MGMT: variants seen among roughly 807,000 people sequenced by gnomAD.
The protein encoded by MGMT is methylated-DNA--protein-cysteine methyltransferase.
In MGMT, 14 loss-of-function variants were observed where a neutral mutation model predicts 15.9. The ratio of observed to expected loss-of-function variants is 0.88; its 90% CI spans 0.58 to 1.37. MGMT has a LOEUF of 1.37. MGMT is among the 40% of genes most tolerant of loss of function. The pLI, the probability that MGMT is intolerant of heterozygous loss-of-function variation, is 0.00. For missense variants in MGMT, 282 were observed against 268.1 expected, an observed-to-expected ratio of 1.05 and a Z score of -0.36; for synonymous variants, 130 against 118.2, an observed-to-expected ratio of 1.10 and a Z score of -0.65.
intron 2 of MGMT, among the ~76,000 whole-genome samples, chr10:129,646,405 C>G (rs1847389112): frequency 6.6e-6 from 1 of 152,030 alleles, no homozygotes; most frequent in Admixed American, 6.6e-5. Flanking sequence ...TACATGGCAC[C>G]TAAGACTCAA....
At chr10:129,552,675 C>T (rs531210749) in intron 2 of MGMT, among the ~76,000 whole-genome samples, 18 of 152,250 alleles carry the variant, frequency 1.2e-4, no homozygotes, top group East Asian at 5.8e-4. Context: ...CTGCCTTGCC[C>T]GAGTTCCTGA....
chr10:129,684,973 C>G (rs1261612345), intron 2 of MGMT, among the ~76,000 whole-genome samples: 2 of 152,180 alleles, frequency 1.3e-5, no homozygotes, highest in Non-Finnish European at 2.9e-5. Flanking sequence ...TGTGATGCTA[C>G]AGTTCTATGA....
chr10:129,568,655 G>A (rs1018959793), intron 2 of MGMT, among the ~76,000 whole-genome samples: 2 of 152,208 alleles, frequency 1.3e-5, no homozygotes, highest in African/African-American at 4.8e-5. Flanking sequence ...AAAGTCTCCA[G>A]TTTCTGAGAC....
chr10:129,726,088 T>A (rs1490271884), intron 3 of MGMT, among the ~76,000 whole-genome samples: 9 of 152,054 alleles, frequency 5.9e-5, no homozygotes, highest in Non-Finnish European at 8.8e-5. Flanking sequence ...CTCAGTGCAA[T>A]GAGGGACCAT....
At chr10:129,765,710 G>A (rs1038258851) in intron 4 of MGMT, among the ~76,000 whole-genome samples, 3 of 152,122 alleles carry the variant, frequency 2.0e-5, no homozygotes, top group South Asian at 2.1e-4. Flanking sequence ...AGGGCGCCCC[G>A]AACCCTGGGG....
Position 129,533,394 on chromosome 10 carries a change from T to C in MGMT, c.-12-2847T>C, listed in dbSNP as rs1845953087. 6.6e-6 allele frequency among the ~76,000 whole-genome samples: 1 copy of C among 152,156 alleles called. No individual in the cohort carries two copies. The highest frequency in any genetic ancestry group is 2.4e-5 in the African/African-American group (1 of 41,440). On this transcript the variant is annotated intron_variant, in intron 1 of 4. Coordinates refer to ENST00000651593, the MANE Select transcript of MGMT (RefSeq NM_002412.5). The surrounding 1 kb of genome is among the most constrained non-coding windows in gnomAD (Gnocchi z 4.5). ...GGATCCCCACCTGAGTCTGGAGCCCTGAGCCCAGGCCTCCTGACTCCGACA... is the reference window on the plus strand; with the variant it reads ...GGATCCCCACCTGAGTCTGGAGCCCCGAGCCCAGGCCTCCTGACTCCGACA...
intron 2 of MGMT, among the ~76,000 whole-genome samples, chr10:129,542,599 C>T (rs376082702): frequency 2.6e-5 from 4 of 152,046 alleles, no homozygotes; most frequent in Non-Finnish European, 4.4e-5. Flanking sequence ...TCCTCAGTGC[C>T]GTGAAATAAT....
intron 2 of MGMT, among the ~76,000 whole-genome samples, chr10:129,636,518 T>C (rs1030362577): frequency 6.6e-6 from 1 of 152,270 alleles, no homozygotes; most frequent in African/African-American, 2.4e-5. Context: ...TCAGTTTTAC[T>C]TTTTATTTCT....
chr10:129,508,110 C>T lies in MGMT; in HGVS notation c.-12-28131C>T, dbSNP rs552358119. Among the ~76,000 whole-genome samples the T allele has an allele frequency of 5.9e-5, 9 of 152,318 alleles. No homozygotes were observed. The South Asian group carries it at 1.9e-3, about 32-fold the overall frequency. On this transcript the variant is annotated intron_variant, in intron 1 of 4. Coordinates refer to ENST00000651593, the MANE Select transcript of MGMT (RefSeq NM_002412.5). ...CCCTAATTCTTAGGGACCTCTGGTA[C>T]AGCCCAGTAGCAGTTCTCAGCCTGT...
chr10:129,508,766 T>C (rs1845651076), intron 1 of MGMT, among the ~76,000 whole-genome samples: 1 of 152,020 alleles, frequency 6.6e-6, no homozygotes, highest in Non-Finnish European at 1.5e-5. Flanking sequence ...AGGCTGGTCT[T>C]GAGCTCCTGA....
chr10:129,721,831 GAATGCT>G (rs1848375737), intron 3 of MGMT, among the ~76,000 whole-genome samples: 1 of 31,180 alleles, frequency 3.2e-5, no homozygotes, highest in Non-Finnish European at 7.1e-5. Flanking sequence ...TAGCATATTA[GAATGCT>G]AAAATGTAAA....
chr10:129,562,016 CA>C (rs568863631), intron 2 of MGMT, among the ~76,000 whole-genome samples: 3 of 152,178 alleles, frequency 2.0e-5, no homozygotes, highest in Non-Finnish European at 4.4e-5. Flanking sequence ...CTTCTAGGAA[CA>C]GCTTAGCATG....
At chr10:129,706,218 T>C (rs1848160160) in intron 2 of MGMT, among the ~76,000 whole-genome samples, 2 of 152,222 alleles carry the variant, frequency 1.3e-5, no homozygotes, top group South Asian at 4.1e-4. Flanking sequence ...ACGTTCACAC[T>C]GTCTGTCCTA....
At chr10:129,551,229 G>C (rs949266363) in intron 2 of MGMT, among the ~76,000 whole-genome samples, 5 of 152,244 alleles carry the variant, frequency 3.3e-5, no homozygotes, top group African/African-American at 1.2e-4. Context: ...GGAGAGAGAT[G>C]CTCTGAAGAA....
At chr10:129,573,099 T>G (rs1361099967) in intron 2 of MGMT, among the ~76,000 whole-genome samples, 1 of 152,194 alleles carries the variant, frequency 6.6e-6, no homozygotes, top group African/African-American at 2.4e-5. Flanking sequence ...TTGAACATTT[T>G]TCCTTATTTT....
intron 3 of MGMT, among the ~76,000 whole-genome samples, chr10:129,726,563 G>A (rs6482753): frequency 0.54 from 81,663 of 152,048 alleles, 22,399 homozygotes; most frequent in Middle Eastern, 0.72. Flanking sequence ...CAGGAACAGT[G>A]GCATTGGTGT....
intron 2 of MGMT, among the ~76,000 whole-genome samples, chr10:129,628,797 A>G (rs930987330): frequency 1.6e-4 from 24 of 152,190 alleles, no homozygotes; most frequent in African/African-American, 5.6e-4. Context: ...CTTGAATTCA[A>G]AGTCAGATTT....
In MGMT at chr10:129,542,303, C is replaced by G. The variant is rs559693840; in HGVS notation, c.125+5926C>G. On this transcript the variant is annotated intron_variant, in intron 2 of 4. Transcript: ENST00000651593. The stretch of plus-strand genomic sequence containing the variant: ...CTGTGCTGCCAGTTATCCCCACGGC[C>G]TCTCCGTGCAGGTCGGTCTGACCAG... Among the ~76,000 whole-genome samples the G allele has an allele frequency of 1.1e-4, 16 of 152,270 alleles. No individual in the cohort carries two copies. In the South Asian group the frequency reaches 3.3e-3, roughly 32 times the overall value.
chr10:129,538,783 G>A (rs917439363), intron 2 of MGMT, among the ~76,000 whole-genome samples: 8 of 152,142 alleles, frequency 5.3e-5, no homozygotes, highest in South Asian at 4.2e-4. Flanking sequence ...TTACAGGCAC[G>A]CACCGCCACA....
Sources: gnomAD v4.1 joint callset for allele counts (sites outside exome capture counted in the v4.1 genomes callset) on GRCh38, gnomAD v4.1.1 for gene constraint, Gnocchi (gnomAD v3.1) non-coding constraint, MANE v1.5 for transcripts, NCBI Gene and HGNC (gene_info 2026-07-23, HGNC 2026-07-21) for gene names.